The following NOL10 variants were observed in gnomAD, a reference collection of about 807,000 sequenced individuals.
NOL10 encodes H_NH0074G24.1.
A neutral mutation model predicts 103.5 loss-of-function variants in NOL10; 58 were observed. That is an observed-to-expected ratio of 0.56 (90% CI 0.45 to 0.70). The LOEUF is 0.70. Among genes scored for constraint, NOL10 ranks in the 30% least tolerant of loss-of-function variants. NOL10 has a pLI of 0.00. For synonymous variants in NOL10, 287 were observed against 282.5 expected (o/e 1.02, Z -0.16); for missense variants, 763 against 807.3 (o/e 0.95, Z 0.67).
chr2:10,586,577 TAA>T (rs1675030998), intron 19 of NOL10, among the ~76,000 whole-genome samples: 1 of 149,582 alleles, frequency 6.7e-6, no homozygotes, highest in Non-Finnish European at 1.5e-5. Flanking sequence ...GTTTTTCCAA[TAA>T]AAGTTAACAC....
intron 13 of NOL10, among the ~76,000 whole-genome samples, chr2:10,622,475 T>A (rs1677203930): frequency 7.6e-6 from 1 of 131,652 alleles, no homozygotes. Context: ...TTTTTTTTAG[T>A]TAGAGCGTTT....
intron 13 of NOL10, among the ~76,000 whole-genome samples, chr2:10,635,999 C>A (rs980938899): frequency 6.6e-6 from 1 of 152,164 alleles, no homozygotes; most frequent in Admixed American, 6.5e-5. Flanking sequence ...TATTCTCATG[C>A]CTCAGCCTCC....
At position 10,682,036 on chromosome 2, in the gene NOL10, A is replaced by G; in HGVS notation, c.146T>C (p.Phe49Ser). ...AGTGGTACACACAGTAGGCATTTCA[A>G]AGTCCTGAATAAGTTCAATTCTCCT... ...VRRRIELIQD[F>S]EMPTVCTTIK... The change falls in exon 3 of 21, where the codon TTT becomes TCT. Residue 49 changes from phenylalanine to serine, a missense_variant. By Grantham distance (155) the Phe-to-Ser change is radical. Coordinates refer to ENST00000381685, the MANE Select transcript of NOL10 (RefSeq NM_024894.4). The G allele has an allele frequency of 6.5e-7, 1 of 1,531,612 alleles. No homozygotes were observed. Among genetic ancestry groups the G allele is most frequent in the Non-Finnish European group, 8.8e-7 (1 of 1,137,514 alleles). The allele number at this position is 1,531,612 out of a possible 1,614,324, so 94.9% of individuals were successfully genotyped here. A position where few individuals can be genotyped will look rare whatever the true frequency, so the allele number is the denominator to read the frequency against.
intron 3 of NOL10, among the ~76,000 whole-genome samples, chr2:10,676,638 CTTTTTTTTTTTTT>C (rs1281732474): frequency 7.4e-6 from 1 of 135,336 alleles, no homozygotes; most frequent in Non-Finnish European, 1.6e-5. Flanking sequence ...GGCACTTTGT[CTTTTTTTTTTTTT>C]TTTTGAGACA....
At chr2:10,679,614 C>T (rs1038389904) in intron 3 of NOL10, among the ~76,000 whole-genome samples, 27 of 139,778 alleles carry the variant, frequency 1.9e-4, no homozygotes, top group Middle Eastern at 3.7e-3. Context: ...CTCTCTTTCT[C>T]TCTCTTTCTC....
intron 5 of NOL10, among the ~76,000 whole-genome samples, chr2:10,672,055 T>C (rs536629254): frequency 6.6e-6 from 1 of 152,248 alleles, no homozygotes; most frequent in Non-Finnish European, 1.5e-5. Context: ...TGGCCGGGCA[T>C]GGTGGCTCAC....
chr2:10,621,588 TGTCTC>T (rs1677152184), intron 13 of NOL10, among the ~76,000 whole-genome samples: 1 of 152,100 alleles, frequency 6.6e-6, no homozygotes, highest in South Asian at 2.1e-4. Context: ...AATAAGACCC[TGTCTC>T]AAAAATAATA....
chr2:10,580,668 G>T (rs1674700319), intron 19 of NOL10, among the ~76,000 whole-genome samples: 1 of 148,438 alleles, frequency 6.7e-6, no homozygotes, highest in Non-Finnish European at 1.5e-5. Context: ...CTACTAGGAA[G>T]AAAATCAAAT....
chr2:10,574,883 G>C (rs1674373346), intron 20 of NOL10, among the ~76,000 whole-genome samples: 1 of 152,178 alleles, frequency 6.6e-6, no homozygotes, highest in Non-Finnish European at 1.5e-5. Context: ...TCTCCACCAA[G>C]GTAGGAGCTT....
At chr2:10,658,186 C>T (rs1250745630) in intron 10 of NOL10, among the ~76,000 whole-genome samples, 4 of 152,166 alleles carry the variant, frequency 2.6e-5, no homozygotes, top group Non-Finnish European at 4.4e-5. Context: ...CAAATATATA[C>T]TGAGGGCCTA....
intron 9 of NOL10, among the ~76,000 whole-genome samples, chr2:10,659,705 TAAATAGTAATTTTATTCA>T (rs1302501525): frequency 6.6e-6 from 1 of 152,060 alleles, no homozygotes; most frequent in East Asian, 1.9e-4. Flanking sequence ...AAATAGTAAG[TAAATAGTAATTTTATTCA>T]AACTTTCATA....
At chr2:10,689,173 TG>T (rs1386371818) in intron 1 of NOL10, among the ~76,000 whole-genome samples, 1 of 152,222 alleles carries the variant, frequency 6.6e-6, no homozygotes, top group East Asian at 1.9e-4. Context: ...TTCCCCTTGC[TG>T]GATCTCAGCT....
chr2:10,585,609 C>A (rs1674987341), intron 19 of NOL10, among the ~76,000 whole-genome samples: 2 of 152,164 alleles, frequency 1.3e-5, no homozygotes, highest in Non-Finnish European at 2.9e-5. Flanking sequence ...GTAATAAAAA[C>A]AAATGGAGTG....
chr2:10,643,065 C>T (rs1188906678), intron 13 of NOL10, among the ~76,000 whole-genome samples: 1 of 152,170 alleles, frequency 6.6e-6, no homozygotes, highest in African/African-American at 2.4e-5. Flanking sequence ...GATAAGTTGA[C>T]AGGAATATGA....
intron 17 of NOL10, among the ~76,000 whole-genome samples, chr2:10,591,870 G>A (rs541614803): frequency 6.6e-6 from 1 of 152,256 alleles, no homozygotes; most frequent in African/African-American, 2.4e-5. Context: ...AGGCGTGGTG[G>A]TGCATGCCTG....
chr2:10,573,274 A>G (rs762113591), intron 20 of NOL10, among the ~76,000 whole-genome samples: 18 of 151,910 alleles, frequency 1.2e-4, no homozygotes, highest in African/African-American at 4.4e-4. Flanking sequence ...ACTCACTGCA[A>G]CCTCTGCCTC....
At chr2:10,578,538 TAC>T (rs1386716325) in intron 19 of NOL10, among the ~76,000 whole-genome samples, 2 of 152,220 alleles carry the variant, frequency 1.3e-5, no homozygotes, top group Non-Finnish European at 2.9e-5. Flanking sequence ...GTGTCTCTGT[TAC>T]AGTCTGCTGT....
intron 9 of NOL10, among the ~76,000 whole-genome samples, chr2:10,660,835 C>A (rs1680150005): frequency 1.3e-5 from 2 of 151,916 alleles, no homozygotes; most frequent in Non-Finnish European, 2.9e-5. Context: ...CAGCCTGCTT[C>A]CCCTATTCAA....
rs114545844 is a variant in NOL10, at chr2:10,650,683, G to A, written c.973+3798C>T. ...CCTAGGCAGGATCGCTCGAGCCCAGGGGTTCAAGGCTGCAGTGAGCTATAA... is the reference window on the plus strand; with the variant it reads ...CCTAGGCAGGATCGCTCGAGCCCAGAGGTTCAAGGCTGCAGTGAGCTATAA... On this transcript the variant is annotated intron_variant, in intron 12 of 20. Transcript: ENST00000381685. Among the ~76,000 whole-genome samples, 729 of 152,188 alleles carry A rather than the reference G, an allele frequency of 4.8e-3. 11 individuals carry two copies. The highest frequency in any genetic ancestry group is 0.017 in the African/African-American group (698 of 41,516).
Sources: allele counts gnomAD v4.1 joint callset (sites outside exome capture counted in the v4.1 genomes callset), GRCh38; gene constraint gnomAD v4.1.1; transcripts MANE v1.5; gene names NCBI Gene and HGNC (gene_info 2026-07-23, HGNC 2026-07-21).